YIPF2: variants seen among roughly 807,000 people sequenced by gnomAD.
YIPF2 encodes Yip1 domain family member 2.
In YIPF2, 30 loss-of-function variants were observed where a neutral mutation model predicts 38.8. The ratio of observed to expected loss-of-function variants is 0.77; its 90% CI spans 0.58 to 1.05. The LOEUF is 1.05. Ranked by LOEUF, YIPF2 falls within the 50% of genes least tolerant of loss-of-function variation. The probability of loss-of-function intolerance (pLI) is 0.00; values close to 1 mark genes in which losing one functional copy is unlikely to be tolerated. For missense variants in YIPF2, 401 were observed against 409.7 expected (o/e 0.98, Z 0.18); for synonymous variants, 194 against 183.8 (o/e 1.06, Z -0.45).
At position 10,923,869 on chromosome 19, in the gene YIPF2, G is replaced by A; in HGVS notation, c.615C>T (p.Ile205=). ...GPYTFLETVC[I]YGYSLFVFIP... ...TGAAGACAAAGAGGGAGTAGCCGTA[G>A]ATGCACACAGTCTCCAGGAAGGTGT... The change falls in exon 7 of 10, where the codon ATC becomes ATT. Residue 205 remains isoleucine (I), a synonymous_variant. Coordinates refer to ENST00000586748, the MANE Select transcript of YIPF2 (RefSeq NM_001321439.2). The A allele has an allele frequency of 6.2e-7, 1 of 1,613,432 alleles. No individual in the cohort carries two copies. The highest frequency in any genetic ancestry group is 8.5e-7 in the Non-Finnish European group (1 of 1,179,684).
At chr19:10,924,524 A>ACCCATAGTATGACCTCCTTCAAG (rs2145267743) in intron 5 of YIPF2, among the ~76,000 whole-genome samples, 2 of 151,912 alleles carry the variant, frequency 1.3e-5, no homozygotes, top group South Asian at 4.2e-4. Flanking sequence ...GTCTGCGTTC[A>ACCCATAGTATGACCTCCTTCAAG]CCCATAGTAT....
Position 10,928,424 on chromosome 19 carries a change from CG to C in YIPF2, c.-15del, listed in dbSNP as rs780521394. 10 of 1,335,110 alleles carry C rather than the reference CG, an allele frequency of 7.5e-6. 1 individual carries two copies. In the East Asian group the frequency reaches 3.1e-4, roughly 41 times the overall value. 82.7% of individuals were successfully genotyped at this position (1,335,110 alleles called of 1,614,324 possible). ...GGCCGATGCCATGGTCGTTCAGGGGCGTCTCCGCATCCCTCGCTGAGGACAG... is the reference window on the plus strand; with the variant it reads ...GGCCGATGCCATGGTCGTTCAGGGGCTCTCCGCATCCCTCGCTGAGGACAG... On this transcript the variant is annotated 5_prime_UTR_variant, in exon 2 of 10. It removes the in-frame stop codon of an upstream open reading frame in the 5' UTR. Coordinates refer to ENST00000586748, the MANE Select transcript of YIPF2 (RefSeq NM_001321439.2).
rs544188745 is a variant in YIPF2 at position 10,922,868 on chromosome 19, G to C, written c.*326C>G. On this transcript the variant is annotated 3_prime_UTR_variant, in exon 10 of 10. Coordinates refer to ENST00000586748, the MANE Select transcript of YIPF2 (RefSeq NM_001321439.2). ...GCCCGCCGTGTGTGCACCCAGGCAG[G>C]AGCGGGCGCTGTCCAGGCTGGGCCG... 1 of 162,268 alleles carries C rather than the reference G, an allele frequency of 6.2e-6. No homozygotes were observed. The highest frequency in any genetic ancestry group is 1.3e-5 in the Non-Finnish European group (1 of 75,280). 10.1% of individuals were successfully genotyped at this position (162,268 alleles called of 1,614,324 possible). A position where few individuals can be genotyped will look rare whatever the true frequency, so the allele number is the denominator to read the frequency against.
chr19:10,926,100 G>A (rs1374447543), intron 4 of YIPF2, among the ~76,000 whole-genome samples: 4 of 151,592 alleles, frequency 2.6e-5, no homozygotes, highest in African/African-American at 9.7e-5. Context: ...TAATAGAGAC[G>A]GGATTTCACC....
chr19:10,924,288 T>G (rs953412587), intron 5 of YIPF2, 96 bp from the exon 6 acceptor site: 1 of 1,167,950 alleles, frequency 8.6e-7, no homozygotes, highest in African/African-American at 1.5e-5. Flanking sequence ...CCCAGCCTCT[T>G]CCTAAGCACC....
At chr19:10,928,473 C>A in intron 1 of YIPF2, 33 bp from the exon 2 acceptor site, 1 of 1,358,500 alleles carries the variant, frequency 7.4e-7, no homozygotes, top group Non-Finnish European at 9.5e-7. Flanking sequence ...CACACTTCCC[C>A]CCCGCCCCCG....
In YIPF2 at chr19:10,927,882, G is replaced by T; in HGVS notation, c.109C>A (p.Gln37Lys). The change falls in exon 3 of 10, where the codon CAA becomes AAA. Residue 37 changes from glutamine (Q) to lysine (K), a missense_variant. Coordinates refer to ENST00000586748, the MANE Select transcript of YIPF2 (RefSeq NM_001321439.2). ...CCCACGGCCACAGCCACGTGCCCTT[G>T]TGGGGTCAGCTGATCGCTTCTGCTG... is the stretch of plus-strand genomic sequence containing the variant. ...TTSRSDQLTP[Q>K]GHVAVAVGSG... 1.9e-6 allele frequency: 3 copies of T among 1,612,838 alleles called. No homozygotes were observed. The highest frequency in any genetic ancestry group is 2.5e-6 in the Non-Finnish European group (3 of 1,179,132).
At chr19:10,927,128 C>T (rs1298998041) in intron 4 of YIPF2, among the ~76,000 whole-genome samples, 1 of 152,172 alleles carries the variant, frequency 6.6e-6, no homozygotes, top group East Asian at 1.9e-4. Context: ...CCACCCAGGC[C>T]TCTCAAAGTG....
Position 10,928,468 on chromosome 19 carries a change from T to C in YIPF2, c.-30-28A>G, listed in dbSNP as rs904976436. 8 of 1,358,860 alleles carry C rather than the reference T, an allele frequency of 5.9e-6. No homozygotes were observed. In the African/African-American group the frequency reaches 7.7e-5, roughly 13 times the overall value. The allele number at this position is 1,358,860 out of a possible 1,614,324, so 84.2% of individuals were successfully genotyped here. ...GAGGACAGAGACCGGTCAGGCACAC[T>C]TCCCCCCCGCCCCCGAGCCGGTCCC... On this transcript the variant is annotated intron_variant, in intron 1 of 9. Coordinates refer to ENST00000586748, the MANE Select transcript of YIPF2 (RefSeq NM_001321439.2).
At position 10,923,026 on chromosome 19, in the gene YIPF2, C is replaced by A. The variant is rs2074286439; in HGVS notation, c.*168G>T. 2.7e-6 allele frequency: 1 copy of A among 376,416 alleles called. No homozygotes were observed. The highest frequency in any genetic ancestry group is 4.7e-6 in the Non-Finnish European group (1 of 211,652). 23.3% of individuals were successfully genotyped at this position (376,416 alleles called of 1,614,324 possible). On this transcript the variant is annotated 3_prime_UTR_variant, in exon 10 of 10. Transcript: ENST00000586748. ...CCCCTCGCCCGCCTTTATATAAATT[C>A]TCTGAATCACCTTTGCATAGAAAAT...
chr19:10,925,821 C>G (rs757522151), intron 4 of YIPF2, 48 bp from the exon 5 acceptor site: 2 of 1,592,860 alleles, frequency 1.3e-6, no homozygotes, highest in Admixed American at 1.7e-5. Flanking sequence ...AGGAGCTTCT[C>G]CCTTGTCCTG....
chr19:10,923,108 CA>C lies in YIPF2; in HGVS notation c.*85del. On this transcript the variant is annotated 3_prime_UTR_variant, in exon 10 of 10. Transcript: ENST00000586748. ...AAGTAGCAGAATCATCTCAAGGTGT[CA>C]AAGGAGCCTTCAGTCATCGTCTGGG... is the stretch of plus-strand genomic sequence containing the variant. 1.8e-6 allele frequency: 1 copy of C among 567,498 alleles called. No individual in the cohort carries two copies. The highest frequency in any genetic ancestry group is 3.0e-6 in the Non-Finnish European group (1 of 329,434). 35.2% of individuals were successfully genotyped at this position (567,498 alleles called of 1,614,324 possible).
At position 10,925,712 on chromosome 19, in the gene YIPF2, T is replaced by A. The variant is rs2083412532; in HGVS notation, c.341A>T (p.His114Leu). 1.9e-6 allele frequency: 3 copies of A among 1,614,050 alleles called. No individual in the cohort carries two copies. Among genetic ancestry groups the A allele is most frequent in the Non-Finnish European group, 2.5e-6 (3 of 1,179,990 alleles). The change falls in exon 5 of 10, where the codon CAT (histidine) becomes CTT (leucine). Residue 114 changes from histidine (H) to leucine (L), a missense_variant. His to Leu is a moderately conservative substitution (Grantham distance 99, BLOSUM62 -3). Transcript: ENST00000586748. ...ATACAGATCCGGCCGATTCCGCAGA[T>A]GGTGCCGCACAAAGTTGTGGCCAGG... ...PRPGHNFVRH[H>L]LRNRPDLYGP... is the part of the protein sequence containing the mutation.
Position 10,928,611 on chromosome 19 carries a change from G to A in YIPF2, c.-131C>T. On this transcript the variant is annotated 5_prime_UTR_variant, in exon 1 of 10. Transcript: ENST00000586748. Reference sequence around the variant, plus strand: ...TGAGGCCACCTGGGCCGGCGTGGCTGGGGCTCTCTGCGCCTGCGCGTCTCG... The same window carrying A: ...TGAGGCCACCTGGGCCGGCGTGGCTAGGGCTCTCTGCGCCTGCGCGTCTCG... 2.3e-6 allele frequency: 2 copies of A among 879,810 alleles called. No individual in the cohort carries two copies. Among genetic ancestry groups the A allele is most frequent in the Non-Finnish European group, 3.2e-6 (2 of 620,070 alleles). 54.5% of individuals were successfully genotyped at this position (879,810 alleles called of 1,614,324 possible).
Position 10,923,501 on chromosome 19 carries a change from GC to G in YIPF2, c.827del (p.Gly276AlafsTer75). The G allele has an allele frequency of 2.5e-6, 4 of 1,612,864 alleles. No homozygotes were observed. The highest frequency in any genetic ancestry group is 3.4e-6 in the Non-Finnish European group (4 of 1,179,694). ...GGCCACCCCAGACCCGTACCTTACA[GC>G]CCATGGCCAGGAGGGCGTGGAGCAG... ...VVLLHALLAM[G>X]CKLYFFQSLP... is the part of the protein sequence containing the mutation. On this transcript the variant is annotated frameshift_variant, in exon 8 of 10. Coordinates refer to ENST00000586748, the MANE Select transcript of YIPF2 (RefSeq NM_001321439.2). LOFTEE classifies it high-confidence loss of function.
intron 4 of YIPF2, 116 bp from the exon 5 acceptor site, chr19:10,925,889 C>G (rs1011006030): frequency 2.6e-6 from 2 of 758,532 alleles, no homozygotes; most frequent in African/African-American, 3.6e-5. Context: ...CCTGAAAGAA[C>G]TCAGCCTTTC....
At position 10,927,611 on chromosome 19, in the gene YIPF2, C is replaced by G. The variant is rs754834978; in HGVS notation, c.279+19G>C. 1 of 1,612,346 alleles carries G rather than the reference C, an allele frequency of 6.2e-7. No homozygotes were observed. The highest frequency in any genetic ancestry group is 2.2e-5 in the East Asian group (1 of 44,880). On this transcript the variant is annotated intron_variant, in intron 4 of 9. Coordinates refer to ENST00000586748, the MANE Select transcript of YIPF2 (RefSeq NM_001321439.2). Reference sequence around the variant, plus strand: ...GAGCATAACTCTGAGCCCCATCCCACCTGCCTCCCCAGCCTGACCTGTGAG... The same window carrying G: ...GAGCATAACTCTGAGCCCCATCCCAGCTGCCTCCCCAGCCTGACCTGTGAG...
At position 10,923,173 on chromosome 19, in the gene YIPF2, G is replaced by A. The variant is rs2074290382; in HGVS notation, c.*21C>T. 1.9e-6 allele frequency: 2 copies of A among 1,069,642 alleles called. No homozygotes were observed. The highest frequency in any genetic ancestry group is 1.6e-5 in the African/African-American group (1 of 62,718). The allele number at this position is 1,069,642 out of a possible 1,614,324, so 66.3% of individuals were successfully genotyped here. ...AGAGGGGTTGGTCCACTTAGGTGTT[G>A]CCTGAAAGAAAGAATTGTCTGGGAG... On this transcript the variant is annotated splice_region_variant and 3_prime_UTR_variant, in exon 10 of 10. Coordinates refer to ENST00000586748, the MANE Select transcript of YIPF2 (RefSeq NM_001321439.2).
At chr19:10,928,019 C>A in intron 2 of YIPF2, 60 bp from the exon 3 acceptor site, 1 of 1,563,392 alleles carries the variant, frequency 6.4e-7, no homozygotes. Flanking sequence ...CTCGACTGGG[C>A]CCAAGCTAAA....
Sources: allele counts gnomAD v4.1 joint callset (sites outside exome capture counted in the v4.1 genomes callset), GRCh38; gene constraint gnomAD v4.1.1; transcripts MANE v1.5; gene names NCBI Gene and HGNC (gene_info 2026-07-23, HGNC 2026-07-21).